Variants in UTP20 observed in about 807,000 individuals in gnomAD.
UTP20 encodes the protein UTP20 small subunit processome component.
In UTP20, 164 loss-of-function variants were observed where a neutral mutation model predicts 329.5. That is an observed-to-expected ratio of 0.50 (90% CI 0.44 to 0.57). The LOEUF (loss-of-function observed/expected upper bound fraction) is 0.57, where lower values mean the gene tolerates loss of function less well. Among genes scored for constraint, UTP20 ranks in the 20% least tolerant of loss-of-function variants. The pLI, the probability that UTP20 is intolerant of heterozygous loss-of-function variation, is 0.00. For missense variants in UTP20, 3,055 were observed against 3,284.2 expected (o/e 0.93, Z 1.71); for synonymous variants, 1,151 against 1,159.3 (o/e 0.99, Z 0.14).
intron 21 of UTP20, among the ~76,000 whole-genome samples, chr12:101,313,680 T>G (rs1872868481): frequency 6.7e-6 from 1 of 149,246 alleles, no homozygotes; most frequent in African/African-American, 2.5e-5. Flanking sequence ...GATCAGCCTG[T>G]GAGATTTGCC....
chr12:101,333,186 A>G (rs1374733229), intron 27 of UTP20, 115 bp from the exon 28 acceptor site: 2 of 983,860 alleles, frequency 2.0e-6, no homozygotes, highest in Non-Finnish European at 2.9e-6. Context: ...CAACAGATTT[A>G]GTAACAGGAT....
Position 101,383,181 on chromosome 12 carries a change from G to A in UTP20, c.7797G>A (p.Ala2599=), listed in dbSNP as rs138484923. 3.5e-3 allele frequency: 5,615 copies of A among 1,614,000 alleles called. 9 individuals are homozygous for A. Among genetic ancestry groups the A allele is most frequent in the Non-Finnish European group, 4.3e-3 (5,087 of 1,179,932 alleles). The change falls in exon 59 of 62, where the codon GCG becomes GCA. Residue 2599 remains alanine, a synonymous_variant. Coordinates refer to ENST00000261637, the MANE Select transcript of UTP20 (RefSeq NM_014503.3). ...GTGTGGCCTGTGCAGATGAGAAGGCGGAGTCTGACGGAGAAGAGAAGGAAG... is the reference window on the plus strand; with the variant it reads ...GTGTGGCCTGTGCAGATGAGAAGGCAGAGTCTGACGGAGAAGAGAAGGAAG... ...EDGVACADEK[A]ESDGEEKEEV...
At chr12:101,379,221 C>A in intron 56 of UTP20, 150 bp from the exon 57 acceptor site, 1 of 606,886 alleles carries the variant, frequency 1.6e-6, no homozygotes. Flanking sequence ...TTTTCATCCC[C>A]TGCCCCCACT....
chr12:101,348,826 C>T (rs116070432), intron 38 of UTP20, among the ~76,000 whole-genome samples: 8 of 150,558 alleles, frequency 5.3e-5, no homozygotes, highest in African/African-American at 1.7e-4. Context: ...ACCATCCCAC[C>T]CCAGCCTCCA....
intron 5 of UTP20, among the ~76,000 whole-genome samples, chr12:101,287,740 G>A (rs1253883425): frequency 6.6e-6 from 1 of 152,170 alleles, no homozygotes; most frequent in Non-Finnish European, 1.5e-5. Context: ...TCTTGATTCT[G>A]TCATTCATGC....
At chr12:101,355,146 G>T in intron 41 of UTP20, 28 bp downstream of exon 41, 1 of 1,597,184 alleles carries the variant, frequency 6.3e-7, no homozygotes, top group Non-Finnish European at 8.5e-7. Flanking sequence ...GGTCCAGCAG[G>T]TCTGTGTGAA....
rs144963493 is a variant in UTP20 at position 101,342,310 on chromosome 12, G to T, written c.4102-136G>T. 100 of 695,486 alleles carry T rather than the reference G, an allele frequency of 1.4e-4. No individual in the cohort carries two copies. The African/African-American group carries it at 1.6e-3, about 11-fold the overall frequency. The allele number at this position is 695,486 out of a possible 1,614,324, so 43.1% of individuals were successfully genotyped here. ...ATTAAAATGCTAAAAACTTTTAAAA[G>T]ACGATAAAATAATTTTTCCAATTAC... On this transcript the variant is annotated intron_variant, in intron 32 of 61. Transcript: ENST00000261637.
intron 27 of UTP20, among the ~76,000 whole-genome samples, chr12:101,331,130 C>G (rs534724653): frequency 6.6e-6 from 1 of 152,208 alleles, no homozygotes; most frequent in Admixed American, 6.5e-5. Flanking sequence ...ATTGACTGTT[C>G]CTCTAGGAAT....
In UTP20 at chr12:101,295,660, T is replaced by G; in HGVS notation, c.1430+2T>G. The G allele has an allele frequency of 6.3e-7, 1 of 1,595,660 alleles. No individual in the cohort carries two copies. Among genetic ancestry groups the G allele is most frequent in the Non-Finnish European group, 8.6e-7 (1 of 1,168,762 alleles). ...GGTTTTCTCACCGCAGATGGTGGGG[T>G]GAGTTCTAACTTTTTATTCCTGTAA... On this transcript the variant is annotated splice_donor_variant, in intron 12 of 61. Transcript: ENST00000261637. LOFTEE classifies it high-confidence loss of function.
At chr12:101,372,767 T>C (rs898512557) in intron 51 of UTP20, 117 bp from the exon 52 acceptor site, 24 of 737,886 alleles carry the variant, frequency 3.3e-5, no homozygotes, top group Non-Finnish European at 4.4e-5. Context: ...GAAAGCCTGA[T>C]TGATTGCCAT....
intron 27 of UTP20, among the ~76,000 whole-genome samples, chr12:101,329,931 G>C (rs893384709): frequency 3.3e-5 from 5 of 151,476 alleles, no homozygotes; most frequent in Non-Finnish European, 7.4e-5. Context: ...GGAGATTGAG[G>C]CTGTAGTAGG....
rs143470856 is a variant in UTP20 at position 101,283,178 on chromosome 12, G to A, written c.126+1982G>A. Among the ~76,000 whole-genome samples, 975 of 152,320 alleles carry A rather than the reference G, an allele frequency of 6.4e-3. 5 individuals are homozygous for A. The highest frequency in any genetic ancestry group is 9.4e-3 in the Non-Finnish European group (641 of 68,034). The stretch of plus-strand genomic sequence containing the variant: ...GATTAATAATTTAAGCCACAGGAGA[G>A]GTTGAAGGTATCAAGAGGCAGTGTT... On this transcript the variant is annotated intron_variant, in intron 2 of 61. Transcript: ENST00000261637.
rs771523022 is a variant in UTP20, at chr12:101,319,667, C to T, written c.2829+32C>T. 7 of 1,520,632 alleles carry T rather than the reference C, an allele frequency of 4.6e-6. No homozygotes were observed. In the East Asian group the frequency reaches 1.6e-4, roughly 35 times the overall value. The allele number at this position is 1,520,632 out of a possible 1,614,324, so 94.2% of individuals were successfully genotyped here. The stretch of plus-strand genomic sequence containing the variant: ...AAAATAAACTCTTGGCATTATAATT[C>T]TTTGTGAACTTTTCTCTATCATTTT... On this transcript the variant is annotated intron_variant, in intron 23 of 61. Transcript: ENST00000261637.
chr12:101,313,371 G>A (rs1408164507), intron 21 of UTP20, among the ~76,000 whole-genome samples: 1 of 148,658 alleles, frequency 6.7e-6, no homozygotes. Context: ...GGAGATGAAA[G>A]TGTGTAGGCC....
intron 50 of UTP20, 111 bp downstream of exon 50, chr12:101,370,674 A>G: frequency 8.7e-7 from 1 of 1,155,256 alleles, no homozygotes; most frequent in South Asian, 1.8e-5. Context: ...AAATTGAGTA[A>G]TTTGTAAAGA....
chr12:101,309,906 T>C, intron 19 of UTP20, 67 bp downstream of exon 19: 1 of 1,401,816 alleles, frequency 7.1e-7, no homozygotes, highest in Non-Finnish European at 1.0e-6. Flanking sequence ...GGGCCCAGAT[T>C]ATTCTCCTTC....
rs866977121 is a variant in UTP20, at chr12:101,289,418, A to G, written c.597+377A>G. Among the ~76,000 whole-genome samples, 16 of 151,970 alleles carry G rather than the reference A, an allele frequency of 1.1e-4. 1 individual carries two copies. The South Asian group carries it at 1.5e-3, about 14-fold the overall frequency. On this transcript the variant is annotated intron_variant, in intron 6 of 61. Coordinates refer to ENST00000261637, the MANE Select transcript of UTP20 (RefSeq NM_014503.3). ...ACACACACACACTAGTAATAATAATAATAATAATAATCTGATGAATAGAAG... is the reference window on the plus strand; with the variant it reads ...ACACACACACACTAGTAATAATAATGATAATAATAATCTGATGAATAGAAG...
At chr12:101,337,058 A>C (rs1041020955) in intron 29 of UTP20, among the ~76,000 whole-genome samples, 9 of 152,256 alleles carry the variant, frequency 5.9e-5, no homozygotes, top group Admixed American at 5.2e-4. Flanking sequence ...CGTAGCTTCA[A>C]ATCCTAGCAC....
At chr12:101,376,946 C>G (rs971819619) in intron 56 of UTP20, among the ~76,000 whole-genome samples, 1 of 151,932 alleles carries the variant, frequency 6.6e-6, no homozygotes, top group African/African-American at 2.4e-5. Flanking sequence ...CCACACCCGG[C>G]CAATTTTTGT....
Sources: allele counts gnomAD v4.1 joint callset (sites outside exome capture counted in the v4.1 genomes callset), GRCh38; gene constraint gnomAD v4.1.1; transcripts MANE v1.5; gene names NCBI Gene and HGNC (gene_info 2026-07-23, HGNC 2026-07-21).